The following TLK2 variants were observed in gnomAD, a reference collection of about 807,000 sequenced individuals.
TLK2 encodes tousled like kinase 2.
A neutral mutation model predicts 117.3 loss-of-function variants in TLK2; 6 were observed. The ratio of observed to expected loss-of-function variants is 0.05; its 90% CI spans 0.03 to 0.10. The LOEUF (loss-of-function observed/expected upper bound fraction) is 0.10. Ranked by LOEUF, TLK2 falls within the 10% of genes least tolerant of loss-of-function variation. The pLI, the probability that TLK2 is intolerant of heterozygous loss-of-function variation, is 1.00. For missense variants in TLK2, 299 were observed against 901.2 expected, an observed-to-expected ratio of 0.33 and a Z score of 8.56; for synonymous variants, 257 against 316.7, an observed-to-expected ratio of 0.81 and a Z score of 2.00.
chr17:62,594,348 C>T (rs1445986267), intron 16 of TLK2, among the ~76,000 whole-genome samples: 1 of 152,142 alleles, frequency 6.6e-6, no homozygotes, highest in Non-Finnish European at 1.5e-5. Context: ...GCAAAGACCA[C>T]AGTGAGCTGT....
chr17:62,584,107 G>GTTTTTTTTTTTTTTTTTTTTTTTGT, intron 15 of TLK2, among the ~76,000 whole-genome samples: 1 of 78,532 alleles, frequency 1.3e-5, no homozygotes, highest in Non-Finnish European at 2.3e-5. Context: ...TTCTTTTGTG[G>GTTTTTTTTTTTTTTTTTTTTTTTGT]TTTTTTTTTT....
intron 6 of TLK2, among the ~76,000 whole-genome samples, chr17:62,531,461 A>G (rs956619892): frequency 1.3e-5 from 2 of 152,244 alleles, no homozygotes; most frequent in Non-Finnish European, 2.9e-5. Context: ...TATGGTAGAC[A>G]CAATTATTTT....
intron 15 of TLK2, among the ~76,000 whole-genome samples, chr17:62,585,385 A>G (rs2081537145): frequency 1.3e-5 from 2 of 152,214 alleles, no homozygotes; most frequent in Admixed American, 1.3e-4. Context: ...TAAAAATACA[A>G]AAATTAGCCG....
At chr17:62,605,930 T>A (rs2083259808) in intron 19 of TLK2, among the ~76,000 whole-genome samples, 200 bp from the exon 20 acceptor site, 1 of 142,968 alleles carries the variant, frequency 7.0e-6, no homozygotes. Context: ...CCACCCGAGC[T>A]CGGGAGGTTG....
chr17:62,566,324 A>G (rs1488951776), intron 11 of TLK2, among the ~76,000 whole-genome samples: 1 of 152,206 alleles, frequency 6.6e-6, no homozygotes, highest in Non-Finnish European at 1.5e-5. Context: ...AATGAAACAA[A>G]TAAGAAACTT....
chr17:62,505,172 G>GA (rs928279467), intron 2 of TLK2, among the ~76,000 whole-genome samples: 52 of 152,114 alleles, frequency 3.4e-4, no homozygotes, highest in African/African-American at 1.3e-3. Flanking sequence ...TCACTCACAA[G>GA]AAAAAACACT....
At chr17:62,582,689 G>A (rs537328186) in intron 15 of TLK2, among the ~76,000 whole-genome samples, 2 of 152,220 alleles carry the variant, frequency 1.3e-5, no homozygotes, top group Admixed American at 6.5e-5. Context: ...ATTTTTAAGT[G>A]TGTAGTTCAG....
At chr17:62,492,733 A>G (rs1254190460) in intron 2 of TLK2, among the ~76,000 whole-genome samples, 2 of 152,050 alleles carry the variant, frequency 1.3e-5, no homozygotes, top group Non-Finnish European at 2.9e-5. Flanking sequence ...TGCTGGGATT[A>G]CAGGCATGAG....
chr17:62,533,392 CTGTG>C (rs1185230905), intron 6 of TLK2, among the ~76,000 whole-genome samples: 1 of 78,906 alleles, frequency 1.3e-5, no homozygotes, highest in Admixed American at 1.4e-4. Flanking sequence ...GTGTGTGTGT[CTGTG>C]TGTGTGTGTG....
chr17:62,484,422 G>T (rs941881016), intron 2 of TLK2, among the ~76,000 whole-genome samples: 1 of 151,638 alleles, frequency 6.6e-6, no homozygotes, highest in Admixed American at 6.6e-5. Context: ...TCAGCCTCCC[G>T]AGTAGCTGGG....
chr17:62,583,670 C>T (rs1249990819), intron 15 of TLK2, among the ~76,000 whole-genome samples: 2 of 152,016 alleles, frequency 1.3e-5, no homozygotes, highest in Non-Finnish European at 2.9e-5. Flanking sequence ...CTCTGCCTCC[C>T]GGGTTCAAGT....
At chr17:62,474,705 G>A (rs531458583), upstream of TLK2, among the ~76,000 whole-genome samples, 10 of 152,134 alleles carry the variant, frequency 6.6e-5, no homozygotes, top group African/African-American at 1.7e-4. Flanking sequence ...CACCGCGCCC[G>A]GCCTAGAAGA....
chr17:62,556,072 G>A, intron 9 of TLK2, among the ~76,000 whole-genome samples: 1 of 152,124 alleles, frequency 6.6e-6, no homozygotes, highest in Non-Finnish European at 1.5e-5. Context: ...GCCCCACAAT[G>A]CCTGGCTAAT....
intron 1 of TLK2, among the ~76,000 whole-genome samples, chr17:62,479,997 G>C (rs142864707): frequency 2.4e-4 from 36 of 152,240 alleles, no homozygotes; most frequent in African/African-American, 7.2e-4. Flanking sequence ...ACCTTTCTGA[G>C]AATTTCCTAA....
At chr17:62,500,758 T>A (rs1304749084) in intron 2 of TLK2, among the ~76,000 whole-genome samples, 2 of 152,196 alleles carry the variant, frequency 1.3e-5, no homozygotes, top group African/African-American at 4.8e-5. Flanking sequence ...ATGTGTAGTG[T>A]CTACTCTGAC....
At chr17:62,597,961 T>C (rs2082600134) in intron 17 of TLK2, among the ~76,000 whole-genome samples, 1 of 152,180 alleles carries the variant, frequency 6.6e-6, no homozygotes, top group Non-Finnish European at 1.5e-5. Flanking sequence ...CTAGGAGTTT[T>C]GGTCTGTTCT....
At position 62,514,973 on chromosome 17, in the gene TLK2, C is replaced by T. The variant is rs2075457408; in HGVS notation, c.82-5800C>T. 4.6e-5 allele frequency among the ~76,000 whole-genome samples: 7 copies of T among 152,174 alleles called. No individual in the cohort carries two copies. The South Asian group carries it at 1.5e-3, about 32-fold the overall frequency. On this transcript the variant is annotated intron_variant, in intron 2 of 21. Transcript: ENST00000346027. ...TATTGTTTGCATCCAATTTCCAGAA[C>T]TTTTTTTGCCTAGGAAAATGAAAAC...
chr17:62,586,278 T>C (rs780542954), intron 16 of TLK2, 52 bp downstream of exon 16: 1 of 1,280,896 alleles, frequency 7.8e-7, no homozygotes, highest in Non-Finnish European at 1.1e-6. Flanking sequence ...TACCTGTAGT[T>C]TGAGCATTAT....
chr17:62,605,657 G>A (rs1407404050), intron 19 of TLK2, among the ~76,000 whole-genome samples: 3 of 151,950 alleles, frequency 2.0e-5, no homozygotes, highest in African/African-American at 7.2e-5. Flanking sequence ...ACCACACCCC[G>A]CCTAGAGTGT....
Sources: allele counts gnomAD v4.1 joint callset (sites outside exome capture counted in the v4.1 genomes callset), GRCh38; gene constraint gnomAD v4.1.1; transcripts MANE v1.5; gene names NCBI Gene and HGNC (gene_info 2026-07-23, HGNC 2026-07-21).